The following LRGUK variants were observed in gnomAD, a reference collection of about 807,000 sequenced individuals.
LRGUK encodes the protein leucine rich repeats and guanylate kinase domain containing, also known as leucine-rich repeat and guanylate kinase domain-containing protein.
LRGUK carries 65 observed loss-of-function variants against 76.0 expected under a neutral mutation model. That is an observed-to-expected ratio of 0.85 (90% CI 0.70 to 1.05). The LOEUF (loss-of-function observed/expected upper bound fraction) is 1.05, where lower values mean the gene tolerates loss of function less well. LRGUK is among the 50% of genes least tolerant of loss of function. The probability of loss-of-function intolerance (pLI) is 0.00; values close to 1 mark genes in which losing one functional copy is unlikely to be tolerated. For missense variants in LRGUK, 758 were observed against 732.8 expected (o/e 1.03, Z -0.40); for synonymous variants, 268 against 265.6 (o/e 1.01, Z -0.09).
chr7:134,189,538 C>A (rs1393540115), intron 11 of LRGUK, among the ~76,000 whole-genome samples: 3 of 152,148 alleles, frequency 2.0e-5, no homozygotes, highest in African/African-American at 7.2e-5. Context: ...ATCAGTGGAG[C>A]CATGTCTTTA....
At chr7:134,201,500 C>T in exon 15 of LRGUK, 2 of 1,613,856 alleles carry the variant, frequency 1.2e-6, no homozygotes, top group Non-Finnish European at 1.7e-6. Flanking sequence ...ATGTTGCCTA[C>T]CAAAAACTGA....
Position 134,209,501 on chromosome 7 carries a change from AG to A in LRGUK, c.2642del (p.Gly881GlufsTer44), listed in dbSNP as rs1801153906. 1 of 399,200 alleles carries A rather than the reference AG, an allele frequency of 2.5e-6. No homozygotes were observed. Among genetic ancestry groups the A allele is most frequent in the East Asian group, 3.6e-5 (1 of 28,038 alleles). 24.7% of individuals were successfully genotyped at this position (399,200 alleles called of 1,614,324 possible). On this transcript the variant is annotated frameshift_variant, in exon 16 of 16. Coordinates refer to ENST00000645682, the Ensembl canonical transcript of LRGUK. LOFTEE classifies it low-confidence loss of function (END_TRUNC). ...AACAGATACCAAGCAGCCCCAGGCCAGGGGAGCCCCGGGGACCTTGCTTCCT... is the reference window on the plus strand; with the variant it reads ...AACAGATACCAAGCAGCCCCAGGCCAGGGAGCCCCGGGGACCTTGCTTCCT...
chr7:134,155,526 G>A (rs1227994597), intron 5 of LRGUK, among the ~76,000 whole-genome samples: 2 of 152,148 alleles, frequency 1.3e-5, no homozygotes, highest in African/African-American at 2.4e-5. Flanking sequence ...TTACATTTTT[G>A]TCTAGTTTCC....
At chr7:134,266,199 C>T (rs891603316), downstream of LRGUK, among the ~76,000 whole-genome samples, 27 of 152,310 alleles carry the variant, frequency 1.8e-4, no homozygotes, top group African/African-American at 6.3e-4. Context: ...CTCATTAACA[C>T]ACTATCCAAA....
chr7:134,151,327 G>GA (rs1344079610), intron 5 of LRGUK, among the ~76,000 whole-genome samples: 11 of 151,970 alleles, frequency 7.2e-5, no homozygotes, highest in African/African-American at 2.7e-4. Flanking sequence ...AAAATTCCTA[G>GA]AAAAATATTA....
chr7:134,181,142 T>G (rs1239572785), intron 10 of LRGUK, among the ~76,000 whole-genome samples: 2 of 152,202 alleles, frequency 1.3e-5, no homozygotes, highest in African/African-American at 4.8e-5. Context: ...TGATGTCCCT[T>G]GAGTCACTTT....
At chr7:134,178,404 C>G (rs1164379904) in intron 9 of LRGUK, 99 bp from the exon 10 acceptor site, 13 of 736,868 alleles carry the variant, frequency 1.8e-5, no homozygotes, top group Non-Finnish European at 2.9e-5. Context: ...GTGTACCTGG[C>G]TGCACGTGAA....
intron 16 of LRGUK, among the ~76,000 whole-genome samples, chr7:134,225,718 A>G (rs2117163435): frequency 6.6e-6 from 1 of 152,310 alleles, no homozygotes; most frequent in South Asian, 2.1e-4. Flanking sequence ...AAGATTATGA[A>G]TTCAGTGCTC....
In LRGUK at chr7:134,193,430, C is replaced by T. The variant is rs574578875; in HGVS notation, c.1431+1679C>T. ...GTCAGTTCATCTGTTCTCAGTACCC[C>T]ATCTGCTCTCTGGTGTTTCATACCT... On this transcript the variant is annotated intron_variant, in intron 12 of 15. Coordinates refer to ENST00000645682, the Ensembl canonical transcript of LRGUK. Among the ~76,000 whole-genome samples the T allele has an allele frequency of 9.9e-5, 15 of 152,246 alleles. No homozygotes were observed. In the South Asian group the frequency reaches 3.1e-3, roughly 32 times the overall value.
At chr7:134,129,045 C>A (rs12333785) in intron 1 of LRGUK, among the ~76,000 whole-genome samples, 13 of 149,598 alleles carry the variant, frequency 8.7e-5, no homozygotes, top group African/African-American at 3.3e-4. Flanking sequence ...AGAATATTTT[C>A]TTTTCTTTTT....
At chr7:134,139,333 G>T in intron 2 of LRGUK, 103 bp from the exon 3 acceptor site, 1 of 723,578 alleles carries the variant, frequency 1.4e-6, no homozygotes, top group South Asian at 1.8e-5. Context: ...TTCTATACTT[G>T]TGAAAGAAAT....
exon 6 of LRGUK, chr7:134,158,101 A>T: frequency 6.2e-7 from 1 of 1,613,388 alleles, no homozygotes; most frequent in Non-Finnish European, 8.5e-7. Flanking sequence ...AGTTTGGCCA[A>T]CAATAAGATC....
chr7:134,239,539 C>T (rs968287625), intron 16 of LRGUK, among the ~76,000 whole-genome samples: 1 of 152,236 alleles, frequency 6.6e-6, no homozygotes, highest in Admixed American at 6.5e-5. Flanking sequence ...AGTAGGTAAA[C>T]AAAGAGGCTG....
At chr7:134,265,140 A>T (rs1385676129), downstream of LRGUK, among the ~76,000 whole-genome samples, 2 of 152,172 alleles carry the variant, frequency 1.3e-5, no homozygotes, top group African/African-American at 4.8e-5. Flanking sequence ...AGTGGGGAGG[A>T]AGAGGATATG....
At chr7:134,160,431 G>A (rs1033637915) in intron 6 of LRGUK, among the ~76,000 whole-genome samples, 2 of 151,942 alleles carry the variant, frequency 1.3e-5, no homozygotes, top group Non-Finnish European at 2.9e-5. Context: ...ATAATAGAAA[G>A]GTTTTCTTTT....
chr7:134,182,694 A>C (rs548125262), intron 10 of LRGUK, among the ~76,000 whole-genome samples: 1 of 152,220 alleles, frequency 6.6e-6, no homozygotes, highest in Admixed American at 6.5e-5. Flanking sequence ...GATTGCTACA[A>C]TTTGTGTCAT....
intron 16 of LRGUK, among the ~76,000 whole-genome samples, chr7:134,222,757 C>G (rs542101256): frequency 6.6e-6 from 1 of 152,080 alleles, no homozygotes; most frequent in African/African-American, 2.4e-5. Flanking sequence ...TACAGGCATG[C>G]GCCACCATGC....
chr7:134,239,830 G>T (rs374100479), intron 16 of LRGUK, among the ~76,000 whole-genome samples: 1 of 152,148 alleles, frequency 6.6e-6, no homozygotes, highest in Non-Finnish European at 1.5e-5. Context: ...TCATACAGCC[G>T]GATGCCCCTC....
intron 12 of LRGUK, 132 bp from the exon 13 acceptor site, chr7:134,196,860 T>C (rs1800506786): frequency 5.9e-6 from 3 of 508,208 alleles, no homozygotes; most frequent in Non-Finnish European, 1.0e-5. Flanking sequence ...TACCCCATTG[T>C]CATCCTTATA....
Sources: gnomAD v4.1 joint callset for allele counts (sites outside exome capture counted in the v4.1 genomes callset) on GRCh38, gnomAD v4.1.1 for gene constraint, MANE v1.5 for transcripts, NCBI Gene and HGNC (gene_info 2026-07-23, HGNC 2026-07-21) for gene names.